Variants in SLC26A7 observed in about 807,000 individuals in gnomAD.
The protein encoded by SLC26A7 is anion exchange transporter.
Under a neutral mutation model 82.5 loss-of-function variants are expected in SLC26A7, and 59 were observed. The ratio of observed to expected loss-of-function variants is 0.72; its 90% CI spans 0.58 to 0.89. SLC26A7 has a LOEUF of 0.89. Ranked by LOEUF, SLC26A7 falls within the 40% of genes least tolerant of loss-of-function variation. The pLI is 0.00. For synonymous variants in SLC26A7, 271 were observed against 274.3 expected, an observed-to-expected ratio of 0.99 and a Z score of 0.12; for missense variants, 820 against 793.0, an observed-to-expected ratio of 1.03 and a Z score of -0.41.
chr8:91,393,092 C>A lies in SLC26A7; in HGVS notation c.1777-705C>A, dbSNP rs79415968. ...ATGCACCTTTCTATATTTTATGTGT[C>A]AGATACATCACTGTTATATAACGAA... On this transcript the variant is annotated intron_variant, in intron 16 of 18. Transcript: ENST00000276609. 4.9e-3 allele frequency among the ~76,000 whole-genome samples: 743 copies of A among 152,206 alleles called. 10 individuals are homozygous for A. The highest frequency in any genetic ancestry group is 0.016 in the African/African-American group (683 of 41,544).
rs1294750668 is a variant in SLC26A7 at position 91,363,940 on chromosome 8, TG to T, written c.1488+403del. Among the ~76,000 whole-genome samples the T allele has an allele frequency of 3.0e-3, 371 of 123,636 alleles. 4 individuals carry two copies. The highest frequency in any genetic ancestry group is 0.013 in the African/African-American group (346 of 26,474). 81.1% of individuals were successfully genotyped at this position (123,636 alleles called of 152,430 possible). A position where few individuals can be genotyped will look rare whatever the true frequency, so the allele number is the denominator to read the frequency against. Reference sequence around the variant, plus strand: ...ATGAAGCAAATTTGGTTCATGGTATTGTTTTTTTTTTTTTTTTTCTTAACTC... The same window carrying T: ...ATGAAGCAAATTTGGTTCATGGTATTTTTTTTTTTTTTTTTTTCTTAACTC... On this transcript the variant is annotated intron_variant, in intron 13 of 18. Transcript: ENST00000276609.
In SLC26A7 at chr8:91,334,660, T is replaced by G. The variant is rs73305689; in HGVS notation, c.795+213T>G. Among the ~76,000 whole-genome samples the G allele has an allele frequency of 2.2e-3, 338 of 152,310 alleles. 1 individual carries two copies. The highest frequency in any genetic ancestry group is 7.9e-3 in the African/African-American group (328 of 41,572). ...AAAGAAGGCACACATGTTTTCAATT[T>G]ATAAAACATTTCTCATATGCTTATA... On this transcript the variant is annotated intron_variant, in intron 6 of 18. Transcript: ENST00000276609.
chr8:91,349,465 AG>A (rs1456882970), intron 9 of SLC26A7, among the ~76,000 whole-genome samples: 1 of 152,202 alleles, frequency 6.6e-6, no homozygotes, highest in Non-Finnish European at 1.5e-5. Flanking sequence ...GCCCAAATGT[AG>A]TTGTGATTTA....
At chr8:91,378,150 A>G (rs1348622331) in intron 15 of SLC26A7, among the ~76,000 whole-genome samples, 1 of 151,954 alleles carries the variant, frequency 6.6e-6, no homozygotes, top group Admixed American at 6.6e-5. Flanking sequence ...AAAACTTAAT[A>G]GATGGTCAAT....
At chr8:91,280,399 T>G (rs892421509) in intron 2 of SLC26A7, among the ~76,000 whole-genome samples, 3 of 152,214 alleles carry the variant, frequency 2.0e-5, no homozygotes, top group Admixed American at 6.5e-5. Flanking sequence ...CTTTTCTTGA[T>G]CTCACGTTCC....
At chr8:91,274,745 T>C (rs1425498202) in intron 2 of SLC26A7, among the ~76,000 whole-genome samples, 1 of 152,230 alleles carries the variant, frequency 6.6e-6, no homozygotes, top group East Asian at 1.9e-4. Context: ...CATAGATAGG[T>C]GAATTAAGCA....
At chr8:91,290,033 G>A (rs962683604) in intron 3 of SLC26A7, among the ~76,000 whole-genome samples, 1 of 152,130 alleles carries the variant, frequency 6.6e-6, no homozygotes, top group African/African-American at 2.4e-5. Context: ...GTGAGAACTA[G>A]ATAATTGATA....
At chr8:91,209,790 T>G (rs935724523) in intron 1 of SLC26A7, among the ~76,000 whole-genome samples, 1 of 152,202 alleles carries the variant, frequency 6.6e-6, no homozygotes, top group African/African-American at 2.4e-5. Flanking sequence ...TCCATCATGT[T>G]AAGGGAATGA....
rs755367434 is a variant in SLC26A7 at position 91,389,453 on chromosome 8, T to C, written c.1776+15T>C. On this transcript the variant is annotated intron_variant, in intron 16 of 18. Coordinates refer to ENST00000276609, the MANE Select transcript of SLC26A7 (RefSeq NM_052832.4). ...TGCTTGTTGAGGTATTTATGGAACT[T>C]GTGTTTAGAACTGTTTCTTCCCTTT... 2 of 1,577,154 alleles carry C rather than the reference T, an allele frequency of 1.3e-6. No individual in the cohort carries two copies. The highest frequency in any genetic ancestry group is 2.2e-5 in the South Asian group (2 of 90,304).
chr8:91,277,738 C>T (rs926889951), intron 2 of SLC26A7, among the ~76,000 whole-genome samples: 1 of 152,030 alleles, frequency 6.6e-6, no homozygotes, highest in African/African-American at 2.4e-5. Flanking sequence ...TTAATGGAGG[C>T]TTTTTCAATT....
chr8:91,224,311 G>A (rs1810203618), intron 2 of SLC26A7, among the ~76,000 whole-genome samples: 1 of 152,120 alleles, frequency 6.6e-6, no homozygotes, highest in Non-Finnish European at 1.5e-5. Flanking sequence ...ATCTTCATGA[G>A]TTTGTCTAGT....
rs115925812 is a variant in SLC26A7, at chr8:91,222,888, T to G, written c.-34+3883T>G. Among the ~76,000 whole-genome samples, 587 of 152,330 alleles carry G rather than the reference T, an allele frequency of 3.9e-3. 5 individuals are homozygous for G. Among genetic ancestry groups the G allele is most frequent in the African/African-American group, 0.013 (554 of 41,584 alleles). On this transcript the variant is annotated intron_variant, in intron 2 of 5. Coordinates refer to the SLC26A7 transcript ENST00000522862. Reference sequence around the variant, plus strand: ...GAGGAGTCCCTCCTTTTGAATTATTTGGAATAGTTTCAGAAGGAATGGTAC... The same window carrying G: ...GAGGAGTCCCTCCTTTTGAATTATTGGGAATAGTTTCAGAAGGAATGGTAC...
intron 2 of SLC26A7, chr8:91,219,079 A>C: frequency 1.6e-6 from 1 of 620,836 alleles, no homozygotes; most frequent in Non-Finnish European, 2.7e-6. Context: ...CCTACTTAAG[A>C]TACCATGCCT....
intron 2 of SLC26A7, among the ~76,000 whole-genome samples, chr8:91,238,651 C>T (rs1264481011): frequency 6.6e-6 from 1 of 151,578 alleles, no homozygotes; most frequent in Non-Finnish European, 1.5e-5. Context: ...AGACCTTGAG[C>T]TCTTAAGTCT....
chr8:91,377,994 T>C (rs1463814216), intron 15 of SLC26A7, among the ~76,000 whole-genome samples: 1 of 152,202 alleles, frequency 6.6e-6, no homozygotes, highest in Non-Finnish European at 1.5e-5. Flanking sequence ...ATTACAAATA[T>C]TTTTAGAAAG....
chr8:91,311,235 T>C (rs1350660904), intron 4 of SLC26A7, among the ~76,000 whole-genome samples: 1 of 152,180 alleles, frequency 6.6e-6, no homozygotes, highest in Non-Finnish European at 1.5e-5. Context: ...TTCAGTGAGG[T>C]TGTTGCATCC....
chr8:91,312,111 C>T (rs1324956688), intron 4 of SLC26A7, among the ~76,000 whole-genome samples: 2 of 152,118 alleles, frequency 1.3e-5, no homozygotes, highest in African/African-American at 4.8e-5. Flanking sequence ...ATAATAACTG[C>T]CGTTCCTCAC....
intron 16 of SLC26A7, among the ~76,000 whole-genome samples, chr8:91,391,642 T>G (rs1814971792): frequency 6.6e-6 from 1 of 152,204 alleles, no homozygotes; most frequent in African/African-American, 2.4e-5. Context: ...TCCTAAAGTC[T>G]ACAAGAGTCT....
In SLC26A7 at chr8:91,219,790, C is replaced by T. The variant is rs186912411; in HGVS notation, c.-34+785C>T. Among the ~76,000 whole-genome samples the T allele has an allele frequency of 3.3e-5, 5 of 152,232 alleles. No individual in the cohort carries two copies. In the East Asian group the frequency reaches 9.7e-4, roughly 29 times the overall value. The stretch of plus-strand genomic sequence containing the variant: ...AACTTTGGGAGTGTGGCCCAGAAAT[C>T]GCTATTTTAACAAACCCTCCACGTG... On this transcript the variant is annotated intron_variant, in intron 2 of 5. Coordinates refer to the SLC26A7 transcript ENST00000522862.
Sources: allele counts gnomAD v4.1 joint callset (sites outside exome capture counted in the v4.1 genomes callset), GRCh38; gene constraint gnomAD v4.1.1; transcripts MANE v1.5; gene names NCBI Gene and HGNC (gene_info 2026-07-23, HGNC 2026-07-21).